Variants in FNDC3B observed in about 807,000 individuals in gnomAD.
FNDC3B encodes fibronectin type III domain containing 3B, also known as fibronectin type III domain-containing protein 3B.
A neutral mutation model predicts 151.5 loss-of-function variants in FNDC3B; 12 were observed. That is an observed-to-expected ratio of 0.08 (90% CI 0.05 to 0.13). The LOEUF is 0.13. FNDC3B is among the 10% of genes least tolerant of loss of function. The pLI, the probability that FNDC3B is intolerant of heterozygous loss-of-function variation, is 1.00. For missense variants in FNDC3B, 1,214 were observed against 1,505.3 expected (o/e 0.81, Z 3.20); for synonymous variants, 528 against 549.0 (o/e 0.96, Z 0.54).
intron 3 of FNDC3B, among the ~76,000 whole-genome samples, chr3:172,185,471 G>GT (rs1724125024): frequency 6.6e-6 from 1 of 152,058 alleles, no homozygotes; most frequent in Admixed American, 6.6e-5. Context: ...AACATGCATT[G>GT]TTACACTGGG....
At chr3:172,050,865 A>C (rs1355830707) in intron 1 of FNDC3B, among the ~76,000 whole-genome samples, 1 of 151,972 alleles carries the variant, frequency 6.6e-6, no homozygotes, top group African/African-American at 2.4e-5. Flanking sequence ...TTTGTGGCCT[A>C]CTAATTTCTC....
chr3:172,128,162 C>G (rs1720898457), intron 2 of FNDC3B, among the ~76,000 whole-genome samples: 1 of 152,154 alleles, frequency 6.6e-6, no homozygotes, highest in Non-Finnish European at 1.5e-5. Context: ...CCAGTGTTTG[C>G]TTAGGTCCCC....
At chr3:172,211,531 A>G (rs1192209184) in intron 3 of FNDC3B, among the ~76,000 whole-genome samples, 1 of 152,226 alleles carries the variant, frequency 6.6e-6, no homozygotes, top group African/African-American at 2.4e-5. Flanking sequence ...GAAGGACCCA[A>G]GGGGAATGGT....
At chr3:172,299,608 A>G (rs899813029) in intron 9 of FNDC3B, among the ~76,000 whole-genome samples, 4 of 146,182 alleles carry the variant, frequency 2.7e-5, no homozygotes, top group Non-Finnish European at 4.5e-5. Context: ...ATGTACAACA[A>G]CACATTGTTT....
chr3:172,389,855 C>A (rs750504210), intron 25 of FNDC3B, among the ~76,000 whole-genome samples: 5 of 152,050 alleles, frequency 3.3e-5, no homozygotes, highest in African/African-American at 7.2e-5. Context: ...GAGAGCGAGA[C>A]TCGGTCTCAA....
chr3:172,219,688 A>G (rs774513566), intron 3 of FNDC3B, among the ~76,000 whole-genome samples: 1 of 152,188 alleles, frequency 6.6e-6, no homozygotes, highest in Non-Finnish European at 1.5e-5. Context: ...AGATTTATTT[A>G]TTCTGAATAT....
At chr3:172,220,167 CTGTGTG>C (rs35182544) in intron 3 of FNDC3B, among the ~76,000 whole-genome samples, 3 of 151,192 alleles carry the variant, frequency 2.0e-5, no homozygotes, top group African/African-American at 4.9e-5. Flanking sequence ...TTGTTATTTT[CTGTGTG>C]TGTGTGTGTG....
chr3:172,152,651 G>A (rs936993308), intron 3 of FNDC3B, among the ~76,000 whole-genome samples: 8 of 143,776 alleles, frequency 5.6e-5, no homozygotes, highest in African/African-American at 2.1e-4. Context: ...TCTTTTAAGA[G>A]CCCTTCCCCT....
chr3:172,298,355 A>C (rs16845305), intron 8 of FNDC3B, among the ~76,000 whole-genome samples: 540 of 152,324 alleles, frequency 3.5e-3, no homozygotes, highest in South Asian at 0.018. Flanking sequence ...GTTCCTGCCA[A>C]GGTAAGTGTG....
chr3:172,390,668 A>T (rs912239773), intron 25 of FNDC3B, among the ~76,000 whole-genome samples: 3 of 151,940 alleles, frequency 2.0e-5, no homozygotes, highest in African/African-American at 7.2e-5. Context: ...AATAATTAAA[A>T]TAGATATAAA....
intron 1 of FNDC3B, among the ~76,000 whole-genome samples, chr3:172,092,654 T>A (rs767053520): frequency 1.3e-5 from 2 of 152,200 alleles, no homozygotes; most frequent in Non-Finnish European, 2.9e-5. Flanking sequence ...TGATGTAGCT[T>A]TAAGTAGCAC....
intron 22 of FNDC3B, among the ~76,000 whole-genome samples, chr3:172,354,984 A>C (rs1479074899): frequency 2.0e-5 from 3 of 152,030 alleles, no homozygotes; most frequent in African/African-American, 7.2e-5. Context: ...GTACTAATGC[A>C]AAAAAGCTTC....
chr3:172,167,549 A>C (rs1032707259), intron 3 of FNDC3B, among the ~76,000 whole-genome samples: 5 of 152,298 alleles, frequency 3.3e-5, no homozygotes, highest in Admixed American at 3.3e-4. Context: ...GAATCTACTG[A>C]GATTTGCATG....
rs543686147 is a variant in FNDC3B, at chr3:172,269,942, C to T, written c.791-15984C>T. Among the ~76,000 whole-genome samples the T allele has an allele frequency of 2.2e-4, 33 of 152,304 alleles. No homozygotes were observed. The South Asian group carries it at 4.4e-3, about 20-fold the overall frequency. On this transcript the variant is annotated intron_variant, in intron 6 of 25. Transcript: ENST00000415807. The stretch of plus-strand genomic sequence containing the variant: ...GATTACAGGCGTGAGCCACCGCACG[C>T]GGCCTAAATCTGTGCTTTTTTATAG...
chr3:172,147,310 CAA>C (rs34996209), intron 3 of FNDC3B, among the ~76,000 whole-genome samples: 6 of 135,076 alleles, frequency 4.4e-5, no homozygotes, highest in Admixed American at 2.3e-4. Context: ...TGTCTCCAAA[CAA>C]AAAAAAAAAA....
chr3:172,340,466 A>G (rs994553382), intron 16 of FNDC3B, among the ~76,000 whole-genome samples: 6 of 151,962 alleles, frequency 3.9e-5, no homozygotes, highest in African/African-American at 1.5e-4. Flanking sequence ...TTGTATTTTT[A>G]GTAGAGACAA....
chr3:172,394,991 A>G (rs969904104), intron 25 of FNDC3B, among the ~76,000 whole-genome samples: 3 of 152,198 alleles, frequency 2.0e-5, no homozygotes, highest in African/African-American at 7.2e-5. Flanking sequence ...CAAAAACCAT[A>G]TAATTATCTC....
At chr3:172,247,200 C>T (rs1202697223) in intron 4 of FNDC3B, among the ~76,000 whole-genome samples, 1 of 152,208 alleles carries the variant, frequency 6.6e-6, no homozygotes, top group Non-Finnish European at 1.5e-5. Flanking sequence ...GAATCAGTTT[C>T]AGCACACATT....
Position 172,337,376 on chromosome 3 carries a change from A to G in FNDC3B, c.1827A>G (p.Leu609=), listed in dbSNP as rs146880607. 8.1e-6 allele frequency: 13 copies of G among 1,610,222 alleles called. No individual in the cohort carries two copies. The highest frequency in any genetic ancestry group is 5.0e-5 in the Admixed American group (3 of 59,992). ...GTTCAGAAATCCTCAAGTACTTGCT[A>G]GAGATTACTGATGGAAATTCTGAAG... is the stretch of plus-strand genomic sequence containing the variant. ...NGGSEILKYL[L]EITDGNSEAN... The change falls in exon 16 of 26, where the codon CTA becomes CTG. Residue 609 remains leucine (L), a synonymous_variant. Transcript: ENST00000415807.
Sources: gnomAD v4.1 joint callset for allele counts (sites outside exome capture counted in the v4.1 genomes callset) on GRCh38, gnomAD v4.1.1 for gene constraint, MANE v1.5 for transcripts, NCBI Gene and HGNC (gene_info 2026-07-23, HGNC 2026-07-21) for gene names.